CNIH1: variants seen among roughly 807,000 people sequenced by gnomAD.
The protein encoded by CNIH1 is cornichon family member 1.
In CNIH1, 12 loss-of-function variants were observed where a neutral mutation model predicts 20.2. That is an observed-to-expected ratio of 0.59 (90% CI 0.38 to 0.96). The LOEUF (loss-of-function observed/expected upper bound fraction) is 0.96. Ranked by LOEUF, CNIH1 falls within the 40% of genes least tolerant of loss-of-function variation. The pLI is 0.00. For synonymous variants in CNIH1, 69 were observed against 63.3 expected (o/e 1.09, Z -0.43); for missense variants, 152 against 178.8 (o/e 0.85, Z 0.85).
rs183487134 is a variant in CNIH1, at chr14:54,425,348, T to C, written c.*2466A>G. 13 of 148,404 alleles carry C rather than the reference T, an allele frequency of 8.8e-5. No homozygotes were observed. The East Asian group carries it at 2.6e-3, about 30-fold the overall frequency. The allele number at this position is 148,404 out of a possible 1,614,324, so 9.2% of individuals were successfully genotyped here. A position where few individuals can be genotyped will look rare whatever the true frequency, so the allele number is the denominator to read the frequency against. On this transcript the variant is annotated 3_prime_UTR_variant, in exon 5 of 5. Transcript: ENST00000216416. The stretch of plus-strand genomic sequence containing the variant: ...CCTAGAGCTAGAAAGCTTTTAAAGA[T>C]AAAGCACATAATACCAAAAGTAACT...
intron 1 of CNIH1, among the ~76,000 whole-genome samples, chr14:54,440,053 G>A (rs933578782): frequency 6.6e-6 from 1 of 152,188 alleles, no homozygotes; most frequent in Non-Finnish European, 1.5e-5. Context: ...TAAGCAGTCA[G>A]GTCCTAAAAT....
chr14:54,425,312 GA>G lies in CNIH1; in HGVS notation c.*2501del, dbSNP rs1022779004. ...ATGCAATAAAATAGACACAAACAGGGAAAACAATTTCCTAGAGCTAGAAAGC... is the reference window on the plus strand; with the variant it reads ...ATGCAATAAAATAGACACAAACAGGGAAACAATTTCCTAGAGCTAGAAAGC... On this transcript the variant is annotated 3_prime_UTR_variant, in exon 5 of 5. Transcript: ENST00000216416. 1 of 151,744 alleles carries G rather than the reference GA, an allele frequency of 6.6e-6. No individual in the cohort carries two copies. Among genetic ancestry groups the G allele is most frequent in the African/African-American group, 2.4e-5 (1 of 41,306 alleles). 9.4% of individuals were successfully genotyped at this position (151,744 alleles called of 1,614,324 possible).
chr14:54,432,309 A>G (rs541996511), intron 2 of CNIH1, 89 bp from the exon 3 acceptor site: 82 of 576,868 alleles, frequency 1.4e-4, no homozygotes, highest in Middle Eastern at 2.7e-4. Context: ...AAGTTTCCAT[A>G]ATGAAAAATC....
At position 54,425,696 on chromosome 14, in the gene CNIH1, G is replaced by A. The variant is rs367825606; in HGVS notation, c.*2118C>T. The stretch of plus-strand genomic sequence containing the variant: ...AATCTTTTAATCACTTACATGCCTA[G>A]GAACTCACAAACTACCACAAAGATG... On this transcript the variant is annotated 3_prime_UTR_variant, in exon 5 of 5. Coordinates refer to ENST00000216416, the MANE Select transcript of CNIH1 (RefSeq NM_005776.3). 1 of 152,102 alleles carries A rather than the reference G, an allele frequency of 6.6e-6. No homozygotes were observed. The highest frequency in any genetic ancestry group is 1.5e-5 in the Non-Finnish European group (1 of 68,010). 9.4% of individuals were successfully genotyped at this position (152,102 alleles called of 1,614,324 possible).
Position 54,427,826 on chromosome 14 carries a change from C to A in CNIH1, c.423G>T (p.Leu141Phe), listed in dbSNP as rs760264050. ...FYYLYGMIYV[L>F]VSS ...TCTGTGTGTTGTTCTAAGAGCTCACCAAAACATAGATCATGCTGAAAAGAA... is the reference window on the plus strand; with the variant it reads ...TCTGTGTGTTGTTCTAAGAGCTCACAAAAACATAGATCATGCTGAAAAGAA... The change falls in exon 5 of 5, where the codon TTG becomes TTT. Residue 141 changes from leucine to phenylalanine, a missense_variant. Leu to Phe is a conservative substitution (Grantham distance 22). Around this residue, in one of 3 missense-constraint regions of CNIH1, gnomAD observed 28 missense variants for 22.8 expected, o/e 1.23. Transcript: ENST00000216416. 4 of 1,612,886 alleles carry A rather than the reference C, an allele frequency of 2.5e-6. No individual in the cohort carries two copies. Among genetic ancestry groups the A allele is most frequent in the Non-Finnish European group, 3.4e-6 (4 of 1,179,710 alleles).
At position 54,441,290 on chromosome 14, in the gene CNIH1, G is replaced by A; in HGVS notation, c.38C>T (p.Ala13Val). ...FTFAAFCYML[A>V]LLLTAALIFF... The stretch of plus-strand genomic sequence containing the variant: ...GATGAGCGCGGCAGTGAGCAGCAGC[G>A]CCAGCATGTAGCAGAAGGCCGCGAA... Residue 13 changes from alanine (A) to valine (V), a missense_variant, in exon 1 of 5, where the codon GCG becomes GTG. By Grantham distance (64) the Ala-to-Val change is moderately conservative. Transcript: ENST00000216416. 6.6e-7 allele frequency: 1 copy of A among 1,521,376 alleles called. No individual in the cohort carries two copies. The highest frequency in any genetic ancestry group is 8.8e-7 in the Non-Finnish European group (1 of 1,131,608). The allele number at this position is 1,521,376 out of a possible 1,614,324, so 94.2% of individuals were successfully genotyped here. A position where few individuals can be genotyped will look rare whatever the true frequency, so the allele number is the denominator to read the frequency against.
intron 1 of CNIH1, among the ~76,000 whole-genome samples, chr14:54,437,824 G>C (rs1423316749): frequency 6.6e-6 from 1 of 152,114 alleles, no homozygotes; most frequent in African/African-American, 2.4e-5. Flanking sequence ...GACGTCAGCC[G>C]TGGTATATAA....
At position 54,427,653 on chromosome 14, in the gene CNIH1, C is replaced by A; in HGVS notation, c.*161G>T. ...ATAACATATGAAAACAGTCTTTCCA[C>A]AAGCAAAAATGTGGAAACATTTAAA... On this transcript the variant is annotated 3_prime_UTR_variant, in exon 5 of 5. Coordinates refer to ENST00000216416, the MANE Select transcript of CNIH1 (RefSeq NM_005776.3). 1 of 695,894 alleles carries A rather than the reference C, an allele frequency of 1.4e-6. No individual in the cohort carries two copies. Among genetic ancestry groups the A allele is most frequent in the Non-Finnish European group, 2.4e-6 (1 of 410,452 alleles). The allele number at this position is 695,894 out of a possible 1,614,324, so 43.1% of individuals were successfully genotyped here.
intron 3 of CNIH1, among the ~76,000 whole-genome samples, chr14:54,431,359 C>T (rs753372303): frequency 6.6e-6 from 1 of 152,146 alleles, no homozygotes; most frequent in African/African-American, 2.4e-5. Context: ...AACTCCTGAC[C>T]TTGTGATCCA....
At chr14:54,427,982 T>C in intron 4 of CNIH1, 141 bp from the exon 5 acceptor site, 1 of 842,644 alleles carries the variant, frequency 1.2e-6, no homozygotes, top group South Asian at 1.6e-5. Flanking sequence ...GTGATTTTAA[T>C]TTGCATTTAT....
Position 54,432,092 on chromosome 14 carries a change from T to C in CNIH1, c.263+16A>G. The C allele has an allele frequency of 7.8e-7, 1 of 1,281,836 alleles. No individual in the cohort carries two copies. The highest frequency in any genetic ancestry group is 1.7e-5 in the South Asian group (1 of 60,560). 79.4% of individuals were successfully genotyped at this position (1,281,836 alleles called of 1,614,324 possible). ...TTTTAATTTAAAAAAATATTAAAAG[T>C]GTATCTAAATATTACCTCCAAATAT... On this transcript the variant is annotated intron_variant, in intron 3 of 4. Transcript: ENST00000216416.
At position 54,425,679 on chromosome 14, in the gene CNIH1, A is replaced by C. The variant is rs1046936021; in HGVS notation, c.*2135T>G. Reference sequence around the variant, plus strand: ...TAGGAGAGCAGGTACTCAATCTTTTAATCACTTACATGCCTAGGAACTCAC... The same window carrying C: ...TAGGAGAGCAGGTACTCAATCTTTTCATCACTTACATGCCTAGGAACTCAC... On this transcript the variant is annotated 3_prime_UTR_variant, in exon 5 of 5. Transcript: ENST00000216416. 3 of 152,308 alleles carry C rather than the reference A, an allele frequency of 2.0e-5. No individual in the cohort carries two copies. The highest frequency in any genetic ancestry group is 4.4e-5 in the Non-Finnish European group (3 of 68,012). 9.4% of individuals were successfully genotyped at this position (152,308 alleles called of 1,614,324 possible).
chr14:54,439,315 A>G (rs145978995), intron 1 of CNIH1, among the ~76,000 whole-genome samples: 1 of 152,284 alleles, frequency 6.6e-6, no homozygotes, highest in Non-Finnish European at 1.5e-5. Flanking sequence ...ACACGACTTA[A>G]AATTATTTAC....
rs2030773360 is a variant in CNIH1, at chr14:54,423,731, A to T, written c.*4083T>A. ...AACTACATGTTATGTTTCTCTTAGT[A>T]GTTTTAGGGTCTGCCCAGTAATCAA... On this transcript the variant is annotated 3_prime_UTR_variant, in exon 5 of 5. Coordinates refer to ENST00000216416, the MANE Select transcript of CNIH1 (RefSeq NM_005776.3). The T allele has an allele frequency of 6.6e-6, 1 of 152,212 alleles. No homozygotes were observed. The highest frequency in any genetic ancestry group is 1.5e-5 in the Non-Finnish European group (1 of 68,028). 9.4% of individuals were successfully genotyped at this position (152,212 alleles called of 1,614,324 possible).
Position 54,426,121 on chromosome 14 carries a change from T to C in CNIH1, c.*1693A>G, listed in dbSNP as rs988398173. ...GAGAGCCCAGCAAGTACTCAATAAATAATTTGTTACATGAACTGACCAAGA... is the reference window on the plus strand; with the variant it reads ...GAGAGCCCAGCAAGTACTCAATAAACAATTTGTTACATGAACTGACCAAGA... On this transcript the variant is annotated 3_prime_UTR_variant, in exon 5 of 5. Transcript: ENST00000216416. 1.3e-5 allele frequency: 2 copies of C among 152,296 alleles called. No individual in the cohort carries two copies. Among genetic ancestry groups the C allele is most frequent in the East Asian group, 1.9e-4 (1 of 5,178 alleles). 9.4% of individuals were successfully genotyped at this position (152,296 alleles called of 1,614,324 possible).
chr14:54,430,449 T>C lies in CNIH1; in HGVS notation c.264-45A>G, dbSNP rs1238331467. 2.6e-6 allele frequency: 4 copies of C among 1,556,554 alleles called. No individual in the cohort carries two copies. In the South Asian group the frequency reaches 3.7e-5, roughly 14 times the overall value. ...TTAGGCATTCAGAAAGGGCAGTAAA[T>C]GTTCAGATAAGAAAGCAGGTCTTTC... On this transcript the variant is annotated intron_variant, in intron 3 of 4. Coordinates refer to ENST00000216416, the MANE Select transcript of CNIH1 (RefSeq NM_005776.3).
chr14:54,432,150 G>C lies in CNIH1; in HGVS notation c.221C>G (p.Thr74Arg). The C allele has an allele frequency of 6.4e-7, 1 of 1,570,714 alleles. No homozygotes were observed. Among genetic ancestry groups the C allele is most frequent in the Non-Finnish European group, 8.6e-7 (1 of 1,156,982 alleles). ...VMFLCAAEWLTLGLNMPLLAY... is the reference protein window; with the variant it reads ...VMFLCAAEWLRLGLNMPLLAY... The stretch of plus-strand genomic sequence containing the variant: ...CAAGAGGGGCATATTGAGACCCAGT[G>C]TAAGCCACTCTGCTGCACAAAGAAA... The change falls in exon 3 of 5, where the codon ACA (threonine) becomes AGA (arginine). Residue 74 changes from threonine to arginine, a missense_variant. Physicochemically the swap from Thr to Arg is moderately conservative, Grantham distance 71. Transcript: ENST00000216416.
At chr14:54,438,618 T>A (rs952279124) in intron 1 of CNIH1, among the ~76,000 whole-genome samples, 4 of 152,356 alleles carry the variant, frequency 2.6e-5, no homozygotes, top group Middle Eastern at 3.4e-3. Flanking sequence ...TTGACAGATA[T>A]AATCATCAGC....
chr14:54,437,310 A>C lies in CNIH1; in HGVS notation c.82-873T>G, dbSNP rs143806368. On this transcript the variant is annotated intron_variant, in intron 1 of 4. Coordinates refer to ENST00000216416, the MANE Select transcript of CNIH1 (RefSeq NM_005776.3). ...CACAAACTAAGCTACCCTTCCCTTA[A>C]TGAGTTAGGAATAGTATCTTTATAT... 6.0e-3 allele frequency among the ~76,000 whole-genome samples: 907 copies of C among 152,340 alleles called. 17 individuals are homozygous for C. The highest frequency in any genetic ancestry group is 0.021 in the African/African-American group (872 of 41,570).
Sources: allele counts gnomAD v4.1 joint callset (sites outside exome capture counted in the v4.1 genomes callset), GRCh38; gene constraint gnomAD v4.1.1; regional missense constraint gnomAD v4.1.1; transcripts MANE v1.5; gene names NCBI Gene and HGNC (gene_info 2026-07-23, HGNC 2026-07-21).